The following ZNF169 variants were observed in gnomAD, a reference collection of about 807,000 sequenced individuals.
ZNF169 encodes the protein zinc finger protein 169.
ZNF169 carries 11 observed loss-of-function variants against 12.0 expected under a neutral mutation model. That is an observed-to-expected ratio of 0.92 (90% CI 0.58 to 1.52). ZNF169 has a LOEUF of 1.52. Ranked by LOEUF, ZNF169 falls within the 40% of genes most tolerant of loss-of-function variation. ZNF169 has a pLI of 0.00. For synonymous variants in ZNF169, 302 were observed against 286.5 expected (o/e 1.05, Z -0.55); for missense variants, 722 against 744.0 (o/e 0.97, Z 0.34).
intron 2 of ZNF169, among the ~76,000 whole-genome samples, chr9:94,282,447 G>A (rs1187370744): frequency 6.6e-6 from 1 of 152,216 alleles, no homozygotes; most frequent in Non-Finnish European, 1.5e-5. Context: ...CTTGAAGCAA[G>A]GCGGGGATGA....
At chr9:94,262,380 G>C (rs1211085771) in intron 1 of ZNF169, among the ~76,000 whole-genome samples, 12 of 151,416 alleles carry the variant, frequency 7.9e-5, no homozygotes, top group Non-Finnish European at 8.9e-5. Context: ...GATTGTGTGT[G>C]GATCTTATCT....
intron 4 of ZNF169, 142 bp downstream of exon 4, chr9:94,293,211 C>A: frequency 1.3e-6 from 1 of 749,222 alleles, no homozygotes; most frequent in Non-Finnish European, 2.3e-6. Context: ...CATGGCACTG[C>A]CTGCCTTCCA....
At chr9:94,291,720 TAAAAA>T (rs1239707273) in intron 2 of ZNF169, among the ~76,000 whole-genome samples, 2 of 151,980 alleles carry the variant, frequency 1.3e-5, no homozygotes, top group African/African-American at 4.8e-5. Flanking sequence ...TAAAATTACT[TAAAAA>T]AAAGAAGAAA....
chr9:94,287,096 C>T (rs1830731957), intron 2 of ZNF169, among the ~76,000 whole-genome samples: 1 of 152,180 alleles, frequency 6.6e-6, no homozygotes, highest in Non-Finnish European at 1.5e-5. Flanking sequence ...AAAGTATCTA[C>T]ATATTATCAG....
intron 2 of ZNF169, chr9:94,287,557 G>A (rs1465897643): frequency 2.4e-6 from 1 of 412,766 alleles, no homozygotes; most frequent in Non-Finnish European, 4.5e-6. Context: ...GTAGAGACAG[G>A]GTTTCATTGT....
At chr9:94,292,671 G>A in intron 3 of ZNF169, 1 of 713,702 alleles carries the variant, frequency 1.4e-6, no homozygotes, top group South Asian at 1.9e-5. Context: ...CGTGTGGTGT[G>A]TCTGACACTG....
At chr9:94,284,828 T>C (rs1218209391) in intron 2 of ZNF169, among the ~76,000 whole-genome samples, 1 of 152,144 alleles carries the variant, frequency 6.6e-6, no homozygotes, top group Non-Finnish European at 1.5e-5. Flanking sequence ...AAATGATCTA[T>C]AGATTTAGTT....
chr9:94,284,347 C>T (rs929690761), intron 2 of ZNF169, among the ~76,000 whole-genome samples: 12 of 152,054 alleles, frequency 7.9e-5, no homozygotes, highest in Non-Finnish European at 1.8e-4. Context: ...ATCGCTTGAA[C>T]CTGGGAAGCT....
At chr9:94,264,470 A>T (rs1243244615) in intron 1 of ZNF169, among the ~76,000 whole-genome samples, 1 of 152,166 alleles carries the variant, frequency 6.6e-6, no homozygotes, top group Non-Finnish European at 1.5e-5. Context: ...AGAAAAAAGA[A>T]ATAGTCTTTT....
rs571708101 is a variant in ZNF169 at position 94,293,408 on chromosome 9, TTTTTTA to T, written c.256+357_256+362del. The T allele has an allele frequency of 1.7e-3, 1,035 of 596,740 alleles. 10 individuals are homozygous for T. The highest frequency in any genetic ancestry group is 0.016 in the Admixed American group (530 of 32,804). 37.0% of individuals were successfully genotyped at this position (596,740 alleles called of 1,614,324 possible). Reference sequence around the variant, plus strand: ...TTTGAGACTAAGTCCCTGCCCCTGGTTTTTTATTTTTATTTTTATTTTTTTTGAGAC... The same window carrying T: ...TTTGAGACTAAGTCCCTGCCCCTGGTTTTTTATTTTTATTTTTTTTGAGAC... On this transcript the variant is annotated intron_variant, in intron 4 of 4. Transcript: ENST00000395395.
intron 1 of ZNF169, among the ~76,000 whole-genome samples, chr9:94,274,105 G>C (rs917252200): frequency 3.9e-5 from 6 of 152,052 alleles, no homozygotes; most frequent in Non-Finnish European, 2.9e-5. Context: ...GTCTTCACAT[G>C]GTCTTCCCAC....
intron 1 of ZNF169, among the ~76,000 whole-genome samples, chr9:94,264,569 C>T (rs1830258409): frequency 6.6e-6 from 1 of 152,174 alleles, no homozygotes; most frequent in Admixed American, 6.5e-5. Flanking sequence ...TTCTTCAGTT[C>T]ACAAAAACTC....
intron 2 of ZNF169, among the ~76,000 whole-genome samples, chr9:94,285,265 GA>G (rs1160023185): frequency 6.6e-6 from 1 of 152,116 alleles, no homozygotes; most frequent in Non-Finnish European, 1.5e-5. Flanking sequence ...TAAGTATATG[GA>G]AATTTTAGAA....
chr9:94,288,046 T>G (rs2118628995), intron 2 of ZNF169: 1 of 780,290 alleles, frequency 1.3e-6, no homozygotes, highest in South Asian at 1.4e-5. Flanking sequence ...CCAACTACAC[T>G]GTTGCTCTAG....
chr9:94,270,762 T>TA (rs1830386532), intron 1 of ZNF169, among the ~76,000 whole-genome samples: 3 of 50,854 alleles, frequency 5.9e-5, no homozygotes, highest in Non-Finnish European at 1.4e-4. Context: ...AATATATAAA[T>TA]ATATATGTTA....
chr9:94,271,473 G>A (rs959498004), intron 1 of ZNF169, among the ~76,000 whole-genome samples: 5 of 152,190 alleles, frequency 3.3e-5, no homozygotes, highest in South Asian at 4.1e-4. Context: ...TGTAATCCCA[G>A]CACTTTGGGA....
chr9:94,282,379 A>T (rs1248396422), intron 2 of ZNF169, among the ~76,000 whole-genome samples: 1 of 152,212 alleles, frequency 6.6e-6, no homozygotes, highest in East Asian at 1.9e-4. Flanking sequence ...GAGACATGCG[A>T]CGACGTCAAT....
At chr9:94,273,189 G>A (rs796930287) in intron 1 of ZNF169, among the ~76,000 whole-genome samples, 41 of 152,178 alleles carry the variant, frequency 2.7e-4, no homozygotes, top group African/African-American at 8.9e-4. Context: ...TCTGTTGGCT[G>A]TTTCCTTTGC....
At chr9:94,278,979 C>T (rs753749088) in intron 2 of ZNF169, 134 bp downstream of exon 2, 90 of 823,088 alleles carry the variant, frequency 1.1e-4, no homozygotes, top group Middle Eastern at 2.3e-4. Context: ...CTGGAGTTTT[C>T]TCTCAGTCTT....
Sources: gnomAD v4.1 joint callset for allele counts (sites outside exome capture counted in the v4.1 genomes callset) on GRCh38, gnomAD v4.1.1 for gene constraint, MANE v1.5 for transcripts, NCBI Gene and HGNC (gene_info 2026-07-23, HGNC 2026-07-21) for gene names.